COL5A1: variants seen among roughly 807,000 people sequenced by gnomAD.
The protein encoded by COL5A1 is collagen type V alpha 1 chain, also known as collagen alpha-1(V) chain.
In COL5A1, 16 loss-of-function variants were observed where a neutral mutation model predicts 263.7. The ratio of observed to expected loss-of-function variants is 0.06; its 90% CI spans 0.04 to 0.09. COL5A1 has a LOEUF of 0.09. Among genes scored for constraint, COL5A1 ranks in the 10% least tolerant of loss-of-function variants. The pLI is 1.00. For synonymous variants in COL5A1, 1,012 were observed against 1,004.5 expected (o/e 1.01, Z -0.14); for missense variants, 2,036 against 2,540.5 (o/e 0.80, Z 4.27).
rs529045596 is a variant in COL5A1 at position 134,757,093 on chromosome 9, C to T, written c.1881+275C>T. On this transcript the variant is annotated intron_variant, in intron 17 of 65. Coordinates refer to ENST00000371817, the MANE Select transcript of COL5A1 (RefSeq NM_000093.5). This position sits in a 1 kb window ranked among gnomAD's most constrained non-coding sequence, Gnocchi z 6.2. ...CCCGACTATGAAAACCATCCGTGGCCGTGCAGGTGACGAGGCGCATGTAGG... is the reference window on the plus strand; with the variant it reads ...CCCGACTATGAAAACCATCCGTGGCTGTGCAGGTGACGAGGCGCATGTAGG... 7.9e-5 allele frequency among the ~76,000 whole-genome samples: 12 copies of T among 152,138 alleles called. No individual in the cohort carries two copies. Among genetic ancestry groups the T allele is most frequent in the East Asian group, 3.9e-4 (2 of 5,158 alleles).
Position 134,758,801 on chromosome 9 carries a change from T to C in COL5A1, c.1935+505T>C, listed in dbSNP as rs936504424. Among the ~76,000 whole-genome samples, 3 of 152,158 alleles carry C rather than the reference T, an allele frequency of 2.0e-5. No individual in the cohort carries two copies. The highest frequency in any genetic ancestry group is 7.2e-5 in the African/African-American group (3 of 41,424). On this transcript the variant is annotated intron_variant, in intron 18 of 65. Coordinates refer to ENST00000371817, the MANE Select transcript of COL5A1 (RefSeq NM_000093.5). This position sits in a 1 kb window ranked among gnomAD's most constrained non-coding sequence, Gnocchi z 4.1. ...TAATGGGCGTGGATGAATTTGAAAG[T>C]GTGTCCCGTGAGTCCCGAGCTAGTG...
rs1435983358 is a variant in COL5A1 at position 134,644,557 on chromosome 9, G to A, written c.109+2261G>A. 6.2e-5 allele frequency among the ~76,000 whole-genome samples: 9 copies of A among 144,398 alleles called. 1 individual carries two copies. Among genetic ancestry groups the A allele is most frequent in the Admixed American group, 5.5e-4 (8 of 14,624 alleles). 94.7% of individuals were successfully genotyped at this position (144,398 alleles called of 152,430 possible). ...CCACTGGAAATGCAGGCGTGGCGGG[G>A]AGGGGGCGGCTGTCCACTGGAGAGG... On this transcript the variant is annotated intron_variant, in intron 1 of 65. Transcript: ENST00000371817.
At chr9:134,753,072 C>T (rs1316847180) in intron 14 of COL5A1, among the ~76,000 whole-genome samples, 2 of 151,964 alleles carry the variant, frequency 1.3e-5, no homozygotes, top group Non-Finnish European at 2.9e-5. Context: ...GGGATGGGGT[C>T]CTGCTGCAGC....
chr9:134,675,474 TCTC>T (rs975538778), intron 1 of COL5A1, among the ~76,000 whole-genome samples: 2 of 152,356 alleles, frequency 1.3e-5, no homozygotes, highest in Middle Eastern at 3.4e-3. Flanking sequence ...TGCAAGAACA[TCTC>T]CTGTGTATTT....
At position 134,709,977 on chromosome 9, in the gene COL5A1, G is replaced by A. The variant is rs191111496; in HGVS notation, c.654+8644G>A. Among the ~76,000 whole-genome samples the A allele has an allele frequency of 1.4e-3, 217 of 152,274 alleles. No individual in the cohort carries two copies. The Middle Eastern group carries it at 0.024, about 17-fold the overall frequency. ...GGCTGGGGGAGCCGCCCACCTGAGC[G>A]GAGGAGCTGCCCTCACACGGCTGAC... On this transcript the variant is annotated intron_variant, in intron 4 of 65. Coordinates refer to ENST00000371817, the MANE Select transcript of COL5A1 (RefSeq NM_000093.5).
At chr9:134,825,977 C>T (rs1839249010) in intron 63 of COL5A1, 73 bp downstream of exon 63, 3 of 941,390 alleles carry the variant, frequency 3.2e-6, no homozygotes, top group Non-Finnish European at 5.2e-6. Context: ...GGGCTTCAAG[C>T]ATTTCTTGTA....
At chr9:134,749,159 G>A (rs1473461595) in intron 11 of COL5A1, among the ~76,000 whole-genome samples, 20 of 152,104 alleles carry the variant, frequency 1.3e-4, no homozygotes, top group Admixed American at 1.2e-3. Flanking sequence ...TGCTTGAACC[G>A]GGGAGGCGGA....
Position 134,754,181 on chromosome 9 carries a change from G to A in COL5A1, c.1774-92G>A, listed in dbSNP as rs937709637. The A allele has an allele frequency of 2.2e-6, 3 of 1,379,148 alleles. No homozygotes were observed. The highest frequency in any genetic ancestry group is 2.8e-5 in the African/African-American group (2 of 70,274). 85.4% of individuals were successfully genotyped at this position (1,379,148 alleles called of 1,614,324 possible). A position where few individuals can be genotyped will look rare whatever the true frequency, so the allele number is the denominator to read the frequency against. ...GTTTGTGGCTTGGACAGCCAGGCATGGGCAGGGTCGATGAGCACAGGGACA... is the reference window on the plus strand; with the variant it reads ...GTTTGTGGCTTGGACAGCCAGGCATAGGCAGGGTCGATGAGCACAGGGACA... On this transcript the variant is annotated intron_variant, in intron 15 of 65. Transcript: ENST00000371817. This position sits in a 1 kb window ranked among gnomAD's most constrained non-coding sequence, Gnocchi z 4.3.
intron 4 of COL5A1, among the ~76,000 whole-genome samples, chr9:134,712,055 T>TCCCCTTCTTCCTG (rs1564404328): frequency 0.031 from 436 of 13,858 alleles, 9 homozygotes; most frequent in African/African-American, 0.09. Flanking sequence ...CCTTCTTCCT[T>TCCCCTTCTTCCTG]CCTCCCTCCT....
At chr9:134,809,357 G>A (rs1307811643) in intron 43 of COL5A1, 67 bp downstream of exon 43, 8 of 1,216,714 alleles carry the variant, frequency 6.6e-6, no homozygotes, top group Admixed American at 5.8e-5. Flanking sequence ...GGAGGGTGGT[G>A]AATTTAAAGG....
chr9:134,732,096 G>A lies in COL5A1; in HGVS notation c.1358G>A (p.Gly453Asp), dbSNP rs1053070837. ...EGIGGPRGEK[G>D]QKGEPAIIEP... ...ATTGGAGGACCTCGGGGCGAGAAAG[G>A]CCAAAAGGGAGAACCAGCGATTATC... Residue 453 changes from glycine (G) to aspartate (D), a missense_variant, in exon 9 of 66, where the codon GGC (glycine) becomes GAC (aspartate). Transcript: ENST00000371817. The A allele has an allele frequency of 6.2e-7, 1 of 1,614,120 alleles. No individual in the cohort carries two copies. The highest frequency in any genetic ancestry group is 8.5e-7 in the Non-Finnish European group (1 of 1,180,046).
chr9:134,642,266 C>A lies in COL5A1; in HGVS notation c.79C>A (p.Leu27Met). ...APLLPPLLLL[L>M]LWAPPPSRAA... ...GCTGCTGCCCCCGCTGCTGCTGCTGCTGCTGTGGGCGCCGCCTCCGAGCCG... is the reference window on the plus strand; with the variant it reads ...GCTGCTGCCCCCGCTGCTGCTGCTGATGCTGTGGGCGCCGCCTCCGAGCCG... The change falls in exon 1 of 66, where the codon CTG (leucine) becomes ATG (methionine). Residue 27 changes from leucine to methionine, a missense_variant. By Grantham distance (15) the Leu-to-Met change is conservative. This residue lies in a region of COL5A1 where 600 missense variants were observed against 634.5 expected (regional missense o/e 0.95). Transcript: ENST00000371817. The surrounding 1 kb of genome is among the most constrained non-coding windows in gnomAD (Gnocchi z 4.5). 8.2e-7 allele frequency: 1 copy of A among 1,216,532 alleles called. No homozygotes were observed. The highest frequency in any genetic ancestry group is 1.0e-6 in the Non-Finnish European group (1 of 970,566). 75.4% of individuals were successfully genotyped at this position (1,216,532 alleles called of 1,614,324 possible).
At chr9:134,767,417 C>T (rs1836716664) in intron 24 of COL5A1, 63 bp downstream of exon 24, 1 of 1,476,678 alleles carries the variant, frequency 6.8e-7, no homozygotes, top group South Asian at 1.1e-5. Flanking sequence ...CCTGGCCCCA[C>T]CCTGGGAGGA....
At position 134,818,988 on chromosome 9, in the gene COL5A1, C is replaced by A; in HGVS notation, c.4393-12C>A. 3 of 1,613,462 alleles carry A rather than the reference C, an allele frequency of 1.9e-6. No individual in the cohort carries two copies. Among genetic ancestry groups the A allele is most frequent in the Non-Finnish European group, 2.5e-6 (3 of 1,180,000 alleles). ...AGGATGAGGACTCTGATCCCCCTGC[C>A]TCCTCCCACAGGGTCCCCCAGGACT... On this transcript the variant is annotated splice_polypyrimidine_tract_variant and intron_variant, in intron 56 of 65. Coordinates refer to ENST00000371817, the MANE Select transcript of COL5A1 (RefSeq NM_000093.5). This position sits in a 1 kb window ranked among gnomAD's most constrained non-coding sequence, Gnocchi z 6.0.
chr9:134,734,530 G>A (rs1322522651), intron 9 of COL5A1, among the ~76,000 whole-genome samples: 2 of 152,256 alleles, frequency 1.3e-5, no homozygotes, highest in East Asian at 1.9e-4. Context: ...CGGGCGTCCC[G>A]GCCTGTGGAA....
Position 134,696,235 on chromosome 9 carries a change from GTA to G in COL5A1, c.278-3673_278-3672del, listed in dbSNP as rs1833462746. Among the ~76,000 whole-genome samples the G allele has an allele frequency of 1.3e-5, 2 of 152,082 alleles. No individual in the cohort carries two copies. The highest frequency in any genetic ancestry group is 4.8e-5 in the African/African-American group (2 of 41,406). On this transcript the variant is annotated intron_variant, in intron 2 of 65. Transcript: ENST00000371817. This position sits in a 1 kb window ranked among gnomAD's most constrained non-coding sequence, Gnocchi z 4.3. Reference sequence around the variant, plus strand: ...GTCGCCCAGGCTGGAGTGCAGTGGTGTAATCTTGGCTCACGGCAACCTCTGCC... The same window carrying G: ...GTCGCCCAGGCTGGAGTGCAGTGGTGATCTTGGCTCACGGCAACCTCTGCC...
chr9:134,821,598 G>A lies in COL5A1; in HGVS notation c.4555-499G>A, dbSNP rs570428522. On this transcript the variant is annotated intron_variant, in intron 58 of 65. Transcript: ENST00000371817. This position sits in a 1 kb window ranked among gnomAD's most constrained non-coding sequence, Gnocchi z 4.2. ...GTCAGTGGGGAGAAGGGGTCTGAGCGGAGGTTCCACGCTCCAAGGATGCAG... is the reference window on the plus strand; with the variant it reads ...GTCAGTGGGGAGAAGGGGTCTGAGCAGAGGTTCCACGCTCCAAGGATGCAG... Among the ~76,000 whole-genome samples the A allele has an allele frequency of 5.3e-5, 8 of 152,246 alleles. No homozygotes were observed. The highest frequency in any genetic ancestry group is 3.9e-4 in the Admixed American group (6 of 15,298).
At chr9:134,703,616 G>A (rs1454618390) in intron 4 of COL5A1, among the ~76,000 whole-genome samples, 11 of 149,618 alleles carry the variant, frequency 7.4e-5, no homozygotes, top group Admixed American at 1.3e-4. Context: ...GAGGCCACGC[G>A]GTGGCCTCGG....
At position 134,647,211 on chromosome 9, in the gene COL5A1, G is replaced by T. The variant is rs1051204593; in HGVS notation, c.109+4915G>T. 1.3e-5 allele frequency among the ~76,000 whole-genome samples: 2 copies of T among 152,156 alleles called. No homozygotes were observed. The highest frequency in any genetic ancestry group is 3.9e-4 in the East Asian group (2 of 5,186). On this transcript the variant is annotated intron_variant, in intron 1 of 65. Transcript: ENST00000371817. This position sits in a 1 kb window ranked among gnomAD's most constrained non-coding sequence, Gnocchi z 5.0. Reference sequence around the variant, plus strand: ...GGGCTCTGCTGTTGCCCGCTTAGCCGGTCTCTGCTGCCCCTTTGCCTTCCT... The same window carrying T: ...GGGCTCTGCTGTTGCCCGCTTAGCCTGTCTCTGCTGCCCCTTTGCCTTCCT...
Sources: gnomAD v4.1 joint callset for allele counts (sites outside exome capture counted in the v4.1 genomes callset) on GRCh38, gnomAD v4.1.1 for gene constraint, gnomAD v4.1.1 regional missense constraint, Gnocchi (gnomAD v3.1) non-coding constraint, MANE v1.5 for transcripts, NCBI Gene and HGNC (gene_info 2026-07-23, HGNC 2026-07-21) for gene names.